PTPRG: variants seen among roughly 807,000 people sequenced by gnomAD.
PTPRG encodes receptor-type tyrosine-protein phosphatase gamma.
Under a neutral mutation model 165.3 loss-of-function variants are expected in PTPRG, and 102 were observed. The ratio of observed to expected loss-of-function variants is 0.62; its 90% CI spans 0.53 to 0.73. The LOEUF is 0.73. Among genes scored for constraint, PTPRG ranks in the 30% least tolerant of loss-of-function variants. The pLI is 0.00. For missense variants in PTPRG, 1,866 were observed against 1,861.4 expected (o/e 1.00, Z -0.05); for synonymous variants, 675 against 669.5 (o/e 1.01, Z -0.13).
intron 6 of PTPRG, among the ~76,000 whole-genome samples, chr3:62,144,818 A>G (rs1158750497): frequency 6.6e-6 from 1 of 152,168 alleles, no homozygotes; most frequent in Non-Finnish European, 1.5e-5. Flanking sequence ...TTTTATCACT[A>G]ATAGTATTGT....
chr3:62,156,913 G>C (rs1332097124), intron 6 of PTPRG, among the ~76,000 whole-genome samples, 154 bp from the exon 7 acceptor site: 1 of 152,040 alleles, frequency 6.6e-6, no homozygotes, highest in Non-Finnish European at 1.5e-5. Context: ...GTTTACTGAG[G>C]CTCTCCCACC....
chr3:61,909,683 ACCTC>A, intron 2 of PTPRG, among the ~76,000 whole-genome samples: 1 of 149,844 alleles, frequency 6.7e-6, no homozygotes, highest in African/African-American at 2.5e-5. Flanking sequence ...ATGGCATCTG[ACCTC>A]AACTGAAGTT....
In PTPRG at chr3:62,295,502, C is replaced by T. The variant is rs934092464; in HGVS notation, c.*2195C>T. On this transcript the variant is annotated 3_prime_UTR_variant, in exon 30 of 30. Transcript: ENST00000474889. Reference sequence around the variant, plus strand: ...TTCAAAGACAAATAGCAAGTATTCCCTCCTGTGCTATTTATAGAGGGCTCA... The same window carrying T: ...TTCAAAGACAAATAGCAAGTATTCCTTCCTGTGCTATTTATAGAGGGCTCA... 5 of 152,030 alleles carry T rather than the reference C, an allele frequency of 3.3e-5. No individual in the cohort carries two copies. Among genetic ancestry groups the T allele is most frequent in the African/African-American group, 9.7e-5 (4 of 41,388 alleles). 9.4% of individuals were successfully genotyped at this position (152,030 alleles called of 1,614,324 possible). A position where few individuals can be genotyped will look rare whatever the true frequency, so the allele number is the denominator to read the frequency against.
chr3:62,090,527 G>A (rs1701893483), intron 5 of PTPRG, among the ~76,000 whole-genome samples: 1 of 152,042 alleles, frequency 6.6e-6, no homozygotes, highest in Non-Finnish European at 1.5e-5. Context: ...AAAGTTTTGT[G>A]GTTTCTCTCT....
intron 1 of PTPRG, among the ~76,000 whole-genome samples, chr3:61,636,319 C>T (rs1272029714): frequency 1.3e-5 from 2 of 152,182 alleles, no homozygotes; most frequent in Non-Finnish European, 2.9e-5. Flanking sequence ...TACCCATTAG[C>T]AGTTACCTAT....
At chr3:62,270,006 T>C (rs553339812) in intron 20 of PTPRG, among the ~76,000 whole-genome samples, 44 of 152,346 alleles carry the variant, frequency 2.9e-4, no homozygotes, top group Admixed American at 2.1e-3. Flanking sequence ...TAATAAAAGT[T>C]ATATGAATAT....
At chr3:61,916,429 A>G (rs1017304146) in intron 2 of PTPRG, among the ~76,000 whole-genome samples, 8 of 151,816 alleles carry the variant, frequency 5.3e-5, no homozygotes, top group Non-Finnish European at 7.4e-5. Context: ...TTAACCTCCT[A>G]CTCCCCACCT....
rs137952139 is a variant in PTPRG, at chr3:61,966,085, A to G, written c.191-23540A>G. Among the ~76,000 whole-genome samples, 1,008 of 152,330 alleles carry G rather than the reference A, an allele frequency of 6.6e-3. 13 individuals are homozygous for G. Among genetic ancestry groups the G allele is most frequent in the East Asian group, 0.031 (159 of 5,186 alleles). On this transcript the variant is annotated intron_variant, in intron 2 of 29. Transcript: ENST00000474889. ...AAAAGAAGGAGGTTTAACCATAGCTACTATACCTCCGCCCTGAATATGTGA... is the reference window on the plus strand; with the variant it reads ...AAAAGAAGGAGGTTTAACCATAGCTGCTATACCTCCGCCCTGAATATGTGA...
chr3:62,033,876 T>A (rs1399260361), intron 4 of PTPRG, among the ~76,000 whole-genome samples: 2 of 152,148 alleles, frequency 1.3e-5, no homozygotes, highest in Non-Finnish European at 2.9e-5. Context: ...CAAGCGATTC[T>A]CTTGTCTCAG....
intron 1 of PTPRG, among the ~76,000 whole-genome samples, chr3:61,669,865 G>A (rs569625609): frequency 2.6e-5 from 4 of 152,298 alleles, no homozygotes; most frequent in Admixed American, 6.5e-5. Context: ...GACCAGACAC[G>A]TGCTGCCTTT....
chr3:62,118,820 C>T (rs1210167506), intron 5 of PTPRG, among the ~76,000 whole-genome samples: 1 of 152,168 alleles, frequency 6.6e-6, no homozygotes, highest in African/African-American at 2.4e-5. Context: ...ATTAAAGTCA[C>T]TTACCTCAGG....
chr3:61,720,329 G>C (rs967545310), intron 1 of PTPRG, among the ~76,000 whole-genome samples: 2 of 152,092 alleles, frequency 1.3e-5, no homozygotes, highest in African/African-American at 4.8e-5. Flanking sequence ...TCACCATGTT[G>C]ACCAGTCTGC....
intron 2 of PTPRG, among the ~76,000 whole-genome samples, chr3:61,911,974 A>T (rs1357385994): frequency 1.3e-5 from 2 of 152,136 alleles, no homozygotes; most frequent in African/African-American, 4.8e-5. Context: ...CACCAGGATG[A>T]TTTACGCCCC....
chr3:61,681,216 C>T (rs1025764505), intron 1 of PTPRG, among the ~76,000 whole-genome samples: 2 of 152,132 alleles, frequency 1.3e-5, no homozygotes, highest in South Asian at 4.1e-4. Context: ...CTTCACTCTG[C>T]GTTTAGAATA....
intron 1 of PTPRG, among the ~76,000 whole-genome samples, chr3:61,713,497 T>C (rs1174706709): frequency 6.6e-6 from 1 of 152,080 alleles, no homozygotes; most frequent in African/African-American, 2.4e-5. Context: ...TTTAAGCCTC[T>C]GTATGTGTTG....
At chr3:62,243,282 G>C (rs1701206338) in intron 14 of PTPRG, among the ~76,000 whole-genome samples, 1 of 152,080 alleles carries the variant, frequency 6.6e-6, no homozygotes, top group South Asian at 2.1e-4. Context: ...CTGATTCTGA[G>C]TGCTTGCCTT....
chr3:61,616,763 G>A (rs1178043379), intron 1 of PTPRG, among the ~76,000 whole-genome samples: 1 of 152,134 alleles, frequency 6.6e-6, no homozygotes, highest in African/African-American at 2.4e-5. Flanking sequence ...TCAATTGACC[G>A]GACACCTTTG....
intron 1 of PTPRG, among the ~76,000 whole-genome samples, chr3:61,654,233 C>T (rs1212709532): frequency 1.3e-5 from 2 of 152,104 alleles, no homozygotes; most frequent in African/African-American, 2.4e-5. Flanking sequence ...ACCTGCCCGC[C>T]ACCCCCTGCA....
chr3:61,931,362 T>C (rs1237444943), intron 2 of PTPRG, among the ~76,000 whole-genome samples: 1 of 152,220 alleles, frequency 6.6e-6, no homozygotes, highest in Non-Finnish European at 1.5e-5. Context: ...GAATCCTGCT[T>C]GATGATATTT....
Sources: allele counts gnomAD v4.1 joint callset (sites outside exome capture counted in the v4.1 genomes callset), GRCh38; gene constraint gnomAD v4.1.1; transcripts MANE v1.5; gene names NCBI Gene and HGNC (gene_info 2026-07-23, HGNC 2026-07-21).